Variants in MALRD1 observed in about 807,000 individuals in gnomAD.
MALRD1 encodes the protein MAM and LDL-receptor class A domain-containing protein 1.
Under a neutral mutation model 242.1 loss-of-function variants are expected in MALRD1, and 247 were observed. That is an observed-to-expected ratio of 1.02 (90% confidence interval 0.92 to 1.13). MALRD1 has a LOEUF of 1.13. Among genes scored for constraint, MALRD1 ranks in the 50% most tolerant of loss-of-function variants. The probability of loss-of-function intolerance (pLI) is 0.00; values close to 1 mark genes in which losing one functional copy is unlikely to be tolerated. For synonymous variants in MALRD1, 995 were observed against 866.6 expected (o/e 1.15, Z -2.60); for missense variants, 2,989 against 2,533.1 (o/e 1.18, Z -3.86).
chr10:19,291,797 A>G (rs1189885377), intron 21 of MALRD1, among the ~76,000 whole-genome samples: 3 of 151,228 alleles, frequency 2.0e-5, no homozygotes, highest in Admixed American at 1.3e-4. Flanking sequence ...AAAAAATAAA[A>G]TTTGTGGGCC....
intron 29 of MALRD1, among the ~76,000 whole-genome samples, chr10:19,455,838 T>C (rs1223311494): frequency 6.6e-6 from 1 of 152,202 alleles, no homozygotes; most frequent in Non-Finnish European, 1.5e-5. Flanking sequence ...GGCTGAAATG[T>C]GTGCATTCCA....
chr10:19,676,575 C>T (rs1842147952), intron 36 of MALRD1, among the ~76,000 whole-genome samples: 1 of 152,122 alleles, frequency 6.6e-6, no homozygotes, highest in African/African-American at 2.4e-5. Context: ...GTGTTCTCCC[C>T]ATTATCTTGA....
chr10:19,548,966 T>G (rs1160650422), intron 32 of MALRD1, among the ~76,000 whole-genome samples: 2 of 152,142 alleles, frequency 1.3e-5, no homozygotes. Flanking sequence ...AGGGAAAAGT[T>G]CGTGAAGGAA....
At chr10:19,370,496 T>G (rs1845326666) in intron 26 of MALRD1, among the ~76,000 whole-genome samples, 1 of 152,196 alleles carries the variant, frequency 6.6e-6, no homozygotes, top group Non-Finnish European at 1.5e-5. Context: ...TCATACTGGT[T>G]TTTTTGCTGT....
At chr10:19,280,749 G>C (rs1165756807) in intron 20 of MALRD1, among the ~76,000 whole-genome samples, 2 of 152,156 alleles carry the variant, frequency 1.3e-5, no homozygotes, top group Non-Finnish European at 2.9e-5. Context: ...CCAATTCAAT[G>C]GCTTTTCCTA....
chr10:19,405,917 C>T (rs1847079831), intron 28 of MALRD1, among the ~76,000 whole-genome samples: 1 of 151,502 alleles, frequency 6.6e-6, no homozygotes, highest in African/African-American at 2.4e-5. Context: ...AGTTTATTTC[C>T]TGAAGTATGA....
intron 2 of MALRD1, among the ~76,000 whole-genome samples, chr10:19,084,933 C>T (rs1371208185): frequency 6.6e-6 from 1 of 151,898 alleles, no homozygotes; most frequent in Admixed American, 6.6e-5. Context: ...AGACATTATG[C>T]ATTGACTTTC....
intron 7 of MALRD1, among the ~76,000 whole-genome samples, chr10:19,127,299 T>C (rs1051479531): frequency 3.9e-5 from 6 of 152,230 alleles, no homozygotes; most frequent in Non-Finnish European, 8.8e-5. Context: ...TAATTTTTTG[T>C]TGAAAGTCAG....
chr10:19,331,724 C>A (rs959493878), intron 24 of MALRD1, 142 bp downstream of exon 24: 1 of 650,520 alleles, frequency 1.5e-6, no homozygotes, highest in Admixed American at 2.7e-5. Context: ...GACACATTCC[C>A]TCCTTTCTCT....
chr10:19,223,546 A>G (rs761760062), intron 18 of MALRD1, among the ~76,000 whole-genome samples: 9 of 152,076 alleles, frequency 5.9e-5, no homozygotes, highest in Non-Finnish European at 1.2e-4. Context: ...TTGTGTGTAT[A>G]TATATACGCA....
chr10:19,283,974 G>A (rs1373021597), intron 21 of MALRD1, among the ~76,000 whole-genome samples: 1 of 152,144 alleles, frequency 6.6e-6, no homozygotes. Context: ...TGCAGATGGT[G>A]TTAACTGCTA....
At chr10:19,076,770 A>G (rs1191147956) in intron 2 of MALRD1, among the ~76,000 whole-genome samples, 1 of 151,848 alleles carries the variant, frequency 6.6e-6, no homozygotes, top group Non-Finnish European at 1.5e-5. Flanking sequence ...TTTTTTGTCT[A>G]TTCTGTGTTT....
intron 26 of MALRD1, among the ~76,000 whole-genome samples, chr10:19,369,415 C>G (rs1262054495): frequency 7.1e-6 from 1 of 141,360 alleles, no homozygotes; most frequent in Non-Finnish European, 1.5e-5. Flanking sequence ...CACACACATT[C>G]TTCTATGGAG....
intron 29 of MALRD1, among the ~76,000 whole-genome samples, chr10:19,470,880 C>T (rs956622555): frequency 2.6e-5 from 4 of 151,658 alleles, no homozygotes; most frequent in East Asian, 1.9e-4. Flanking sequence ...TTTCTTGGGT[C>T]GCGTAGGCTG....
At chr10:19,706,790 G>C (rs1189824866) in intron 38 of MALRD1, among the ~76,000 whole-genome samples, 1 of 152,084 alleles carries the variant, frequency 6.6e-6, no homozygotes, top group African/African-American at 2.4e-5. Flanking sequence ...TTTCATTAAT[G>C]GGCTCCCTGT....
intron 28 of MALRD1, among the ~76,000 whole-genome samples, chr10:19,416,538 G>GA (rs946162635): frequency 3.0e-4 from 43 of 143,674 alleles, no homozygotes; most frequent in South Asian, 1.3e-3. Flanking sequence ...TTGCCAGGTG[G>GA]AAAAAAAAAA....
At chr10:19,727,740 T>C (rs1435566602) in intron 38 of MALRD1, among the ~76,000 whole-genome samples, 2 of 150,762 alleles carry the variant, frequency 1.3e-5, no homozygotes, top group Non-Finnish European at 3.0e-5. Flanking sequence ...TACCGGCATA[T>C]TGACAAATAC....
chr10:19,429,837 C>A (rs1156460717), intron 28 of MALRD1, among the ~76,000 whole-genome samples: 1 of 152,080 alleles, frequency 6.6e-6, no homozygotes, highest in Admixed American at 6.6e-5. Flanking sequence ...TATTCCAAGG[C>A]CATGCCTACT....
chr10:19,158,984 A>C (rs1355138847), intron 12 of MALRD1, among the ~76,000 whole-genome samples: 1 of 152,324 alleles, frequency 6.6e-6, no homozygotes, highest in African/African-American at 2.4e-5. Context: ...TCCAAAGATC[A>C]ATGTTAGAAT....
Sources: gnomAD v4.1 joint callset for allele counts (sites outside exome capture counted in the v4.1 genomes callset) on GRCh38, gnomAD v4.1.1 for gene constraint, MANE v1.5 for transcripts, NCBI Gene and HGNC (gene_info 2026-07-23, HGNC 2026-07-21) for gene names.